Variants in TLDC2 observed in about 807,000 individuals in gnomAD.
The protein encoded by TLDC2 is TBC/LysM-associated domain containing 2, also known as TLD domain-containing protein 2.
TLDC2 carries 23 observed loss-of-function variants against 27.9 expected under a neutral mutation model. That is an observed-to-expected ratio of 0.82 (90% CI 0.59 to 1.17). The LOEUF (loss-of-function observed/expected upper bound fraction) is 1.17, where lower values mean the gene tolerates loss of function less well. Ranked by LOEUF, TLDC2 falls within the 50% of genes most tolerant of loss-of-function variation. TLDC2 has a pLI of 0.00. For missense variants in TLDC2, 286 were observed against 273.4 expected (o/e 1.05, Z -0.32); for synonymous variants, 124 against 107.4 (o/e 1.16, Z -0.96).
chr20:36,887,851 C>T (rs1989957166), intron 5 of TLDC2, among the ~76,000 whole-genome samples: 2 of 151,894 alleles, frequency 1.3e-5, no homozygotes, highest in Admixed American at 1.3e-4. Flanking sequence ...CGTTTTTCCA[C>T]CAGCCCAGGA....
At chr20:36,880,603 C>T (rs1306864904) in intron 3 of TLDC2, 52 bp from the exon 4 acceptor site, 2 of 1,505,064 alleles carry the variant, frequency 1.3e-6, no homozygotes, top group African/African-American at 2.8e-5. Context: ...TGAGGGTTGC[C>T]AGAGGACCCC....
intron 4 of TLDC2, among the ~76,000 whole-genome samples, chr20:36,886,351 T>C (rs531660711): frequency 6.6e-6 from 1 of 152,246 alleles, no homozygotes; most frequent in East Asian, 1.9e-4. Context: ...ATCCCAGCTC[T>C]TTGGGAGGCC....
At chr20:36,891,158 C>A (rs1434490628) in intron 6 of TLDC2, 3 of 152,208 alleles carry the variant, frequency 2.0e-5, no homozygotes, top group Admixed American at 6.5e-5. Flanking sequence ...CCATGGTAGG[C>A]ATGAGAGGAG....
At chr20:36,880,062 T>TATATATAC in intron 3 of TLDC2, among the ~76,000 whole-genome samples, 1 of 64,762 alleles carries the variant, frequency 1.5e-5, no homozygotes, top group Admixed American at 2.0e-4. Flanking sequence ...GTGTAGAATA[T>TATATATAC]ATATATACAT....
At chr20:36,880,071 A>ATATATATATATATATATATG (rs1555828523) in intron 3 of TLDC2, among the ~76,000 whole-genome samples, 1,041 of 32,326 alleles carry the variant, frequency 0.032, 20 homozygotes, top group Non-Finnish European at 0.036. Flanking sequence ...ATATATATAC[A>ATATATATATATATATATATG]TATATATATA....
chr20:36,885,350 G>A (rs1170715870), intron 4 of TLDC2, among the ~76,000 whole-genome samples: 2 of 152,154 alleles, frequency 1.3e-5, no homozygotes, highest in Non-Finnish European at 2.9e-5. Flanking sequence ...TTTCAGGGGA[G>A]CCTGTCTTTC....
At chr20:36,891,515 C>T (rs1427836296) in intron 6 of TLDC2, 1 of 152,576 alleles carries the variant, frequency 6.6e-6, no homozygotes, top group African/African-American at 2.4e-5. Flanking sequence ...TTGGCTCTAA[C>T]TGCAGACTTT....
chr20:36,879,829 T>C (rs1442160834), intron 3 of TLDC2, among the ~76,000 whole-genome samples: 4 of 148,200 alleles, frequency 2.7e-5, no homozygotes, highest in African/African-American at 9.9e-5. Context: ...GAGGCTGCAG[T>C]GAGCCATGAT....
Position 36,892,895 on chromosome 20 carries a change from C to T in TLDC2, c.*51C>T, listed in dbSNP as rs368268178. On this transcript the variant is annotated 3_prime_UTR_variant, in exon 7 of 7. Coordinates refer to ENST00000217320, the MANE Select transcript of TLDC2 (RefSeq NM_080628.3). Reference sequence around the variant, plus strand: ...GATTGAAGCCTCTAAATGAATTGTGCAGGAGAGGGAGTTTGTAAACAACTG... The same window carrying T: ...GATTGAAGCCTCTAAATGAATTGTGTAGGAGAGGGAGTTTGTAAACAACTG... The T allele has an allele frequency of 1.7e-5, 28 of 1,612,204 alleles. No homozygotes were observed. The African/African-American group carries it at 2.3e-4, about 13-fold the overall frequency.
At chr20:36,892,642 A>C (rs1990104540) in intron 6 of TLDC2, 1 of 417,498 alleles carries the variant, frequency 2.4e-6, no homozygotes, top group Admixed American at 3.8e-5. Context: ...AAAGAAAAAA[A>C]ATAGAGTTCA....
chr20:36,877,137 G>A (rs1369947672), intron 1 of TLDC2, among the ~76,000 whole-genome samples: 1 of 152,108 alleles, frequency 6.6e-6, no homozygotes, highest in Non-Finnish European at 1.5e-5. Context: ...TGTAATCCCA[G>A]CACTTTGGGA....
chr20:36,887,625 C>T, intron 5 of TLDC2, 97 bp downstream of exon 5: 2 of 1,180,062 alleles, frequency 1.7e-6, no homozygotes, highest in Non-Finnish European at 2.5e-6. Flanking sequence ...GATGCAATGG[C>T]GAGGCTAGTG....
intron 4 of TLDC2, among the ~76,000 whole-genome samples, chr20:36,886,234 C>G (rs1023678584): frequency 6.6e-6 from 1 of 152,260 alleles, no homozygotes; most frequent in South Asian, 2.1e-4. Context: ...CTCAAGTGAT[C>G]CTTCCACCTT....
intron 4 of TLDC2, 106 bp from the exon 5 acceptor site, chr20:36,887,349 G>C (rs1989943130): frequency 9.9e-7 from 1 of 1,013,926 alleles, no homozygotes; most frequent in Non-Finnish European, 1.6e-6. Context: ...GTTGGGGCCT[G>C]GATGCTGTTC....
intron 4 of TLDC2, among the ~76,000 whole-genome samples, chr20:36,883,744 A>G (rs1989863359): frequency 6.6e-6 from 1 of 152,052 alleles, no homozygotes; most frequent in Non-Finnish European, 1.5e-5. Flanking sequence ...CACCTCCTAA[A>G]AGGTCTCTCA....
intron 6 of TLDC2, chr20:36,890,516 G>A (rs1374084212): frequency 6.6e-6 from 1 of 151,006 alleles, no homozygotes; most frequent in Non-Finnish European, 1.5e-5. Flanking sequence ...CGAGGCTGGA[G>A]TGCAGTGGCC....
chr20:36,881,680 G>A (rs1304619538), intron 4 of TLDC2, among the ~76,000 whole-genome samples: 4 of 152,028 alleles, frequency 2.6e-5, no homozygotes, highest in Non-Finnish European at 2.9e-5. Context: ...GTTGAAGGGA[G>A]TGAAAATACA....
In TLDC2 at chr20:36,889,241, TTC is replaced by T. The variant is rs943669410; in HGVS notation, c.513-4_513-3del. ...AGTGAGCCGCACCAAGACTGTCCTC[TTC>T]TCTCTAGTGGCCGGTTTGGGCTGTG... On this transcript the variant is annotated splice_region_variant and splice_polypyrimidine_tract_variant and intron_variant, in intron 5 of 6. Transcript: ENST00000217320. The T allele has an allele frequency of 6.2e-7, 1 of 1,613,980 alleles. No individual in the cohort carries two copies. The highest frequency in any genetic ancestry group is 1.3e-5 in the African/African-American group (1 of 75,052).
rs1989949331 is a variant in TLDC2 at position 36,887,533 on chromosome 20, G to A, written c.512+5G>A. The stretch of plus-strand genomic sequence containing the variant: ...ACTGATGATGGGCAGTGGCAGGTGA[G>A]TGTCTCAGTCTTCCCGAGTCTTGGG... On this transcript the variant is annotated splice_donor_5th_base_variant and intron_variant, in intron 5 of 6. Transcript: ENST00000217320. 6.2e-7 allele frequency: 1 copy of A among 1,613,758 alleles called. No individual in the cohort carries two copies. Among genetic ancestry groups the A allele is most frequent in the African/African-American group, 1.3e-5 (1 of 75,034 alleles).
Sources: allele counts gnomAD v4.1 joint callset (sites outside exome capture counted in the v4.1 genomes callset), GRCh38; gene constraint gnomAD v4.1.1; transcripts MANE v1.5; gene names NCBI Gene and HGNC (gene_info 2026-07-23, HGNC 2026-07-21).